The following HIP1R variants were observed in gnomAD, a reference collection of about 807,000 sequenced individuals.
HIP1R encodes huntingtin-interacting protein 1-related protein.
HIP1R carries 135 observed loss-of-function variants against 144.2 expected under a neutral mutation model. The ratio of observed to expected loss-of-function variants is 0.94; its 90% CI spans 0.81 to 1.08. The LOEUF is 1.08. HIP1R is among the 50% of genes least tolerant of loss of function. HIP1R has a pLI of 0.00. For synonymous variants in HIP1R, 698 were observed against 612.8 expected (o/e 1.14, Z -2.05); for missense variants, 1,462 against 1,432.8 (o/e 1.02, Z -0.33).
chr12:122,854,162 C>T lies in HIP1R; in HGVS notation c.697C>T (p.Leu233Phe). ...CCACCTCTACCACTACACGGTCAAGCTCCTGTTCAAGCTACACTCTTGTGA... is the reference window on the plus strand; with the variant it reads ...CCACCTCTACCACTACACGGTCAAGTTCCTGTTCAAGCTACACTCTTGTGA... ...CSHLYHYTVKLLFKLHSCLPA... is the reference protein window; with the variant it reads ...CSHLYHYTVKFLFKLHSCLPA... Residue 233 changes from leucine to phenylalanine, a missense_variant, in exon 8 of 32, where the codon CTC (leucine) becomes TTC (phenylalanine). By Grantham distance (22) the Leu-to-Phe change is conservative (BLOSUM62 0). Around this residue, in one of 2 missense-constraint regions of HIP1R, gnomAD observed 350 missense variants for 421.1 expected, o/e 0.83. Coordinates refer to ENST00000253083, the MANE Select transcript of HIP1R (RefSeq NM_003959.3). 1 of 1,613,832 alleles carries T rather than the reference C, an allele frequency of 6.2e-7. No homozygotes were observed. The highest frequency in any genetic ancestry group is 8.5e-7 in the Non-Finnish European group (1 of 1,179,912).
At chr12:122,861,213 C>CT (rs397828310) in intron 30 of HIP1R, 21 bp downstream of exon 30, 12 of 1,612,830 alleles carry the variant, frequency 7.4e-6, no homozygotes, top group East Asian at 4.5e-5. Flanking sequence ...ATGGCTGCCC[C>CT]GTGACCTCTG....
At chr12:122,853,930 G>A in intron 7 of HIP1R, 113 bp from the exon 8 acceptor site, 5 of 1,243,416 alleles carry the variant, frequency 4.0e-6, no homozygotes, top group Non-Finnish European at 5.6e-6. Context: ...GGAGGCAGGG[G>A]GCACACTGGT....
In HIP1R at chr12:122,860,205, G is replaced by GGCAGGGTGAGGGGCCGGCGGCA; in HGVS notation, c.2559+2_2559+23dup. 1 of 1,560,002 alleles carries GGCAGGGTGAGGGGCCGGCGGCA rather than the reference G, an allele frequency of 6.4e-7. No homozygotes were observed. The stretch of plus-strand genomic sequence containing the variant: ...CCTGCAGAAGGAGATCGTGGAGAGC[G>GGCAGGGTGAGGGGCCGGCGGCA]GCAGGGTGAGGGGCCGGCGGCAGCA... On this transcript the variant is annotated frameshift_variant, in exon 26 of 32. Coordinates refer to ENST00000253083, the MANE Select transcript of HIP1R (RefSeq NM_003959.3). LOFTEE classifies it high-confidence loss of function.
Position 122,858,436 on chromosome 12 carries a change from G to GT in HIP1R, c.2050+2dup. On this transcript the variant is annotated splice_donor_variant, in intron 20 of 31. Transcript: ENST00000253083. LOFTEE classifies it high-confidence loss of function. ...GCCCAGTACCTGACCTCCTTGGCAG[G>GT]TGAGTGTAGCCAGGGCAGGGCGGAG... The GT allele has an allele frequency of 1.2e-6, 2 of 1,603,454 alleles. No homozygotes were observed. Among genetic ancestry groups the GT allele is most frequent in the Non-Finnish European group, 1.7e-6 (2 of 1,173,944 alleles).
At position 122,849,930 on chromosome 12, in the gene HIP1R, T is replaced by C; in HGVS notation, c.413T>C (p.Leu138Pro). ...QLVNVYTKLL[L>P]TKISFHLKHP... ...GTGAATGTCTACACCAAGCTGCTGC[T>C]GACCAAGATCTCCTTCCACCTCAAG... Residue 138 changes from leucine to proline, a missense_variant, in exon 5 of 32, where the codon CTG becomes CCG. Physicochemically the swap from Leu to Pro is moderately conservative, Grantham distance 98 (BLOSUM62 -3). Transcript: ENST00000253083. 6.2e-7 allele frequency: 1 copy of C among 1,613,636 alleles called. No individual in the cohort carries two copies. Among genetic ancestry groups the C allele is most frequent in the South Asian group, 1.1e-5 (1 of 91,088 alleles).
Position 122,856,044 on chromosome 12 carries a change from A to T in HIP1R, c.1193A>T (p.Gln398Leu), listed in dbSNP as rs1295989216. 2 of 1,594,714 alleles carry T rather than the reference A, an allele frequency of 1.3e-6. No individual in the cohort carries two copies. The highest frequency in any genetic ancestry group is 1.8e-5 in the Admixed American group (1 of 56,660). The change falls in exon 14 of 32, where the codon CAG becomes CTG. Residue 398 changes from glutamine (Q) to leucine (L), a missense_variant. By Grantham distance (113) the Gln-to-Leu change is moderately radical (BLOSUM62 -2). This residue lies in a region of HIP1R where 1,112 missense variants were observed against 1,011.7 expected (regional missense o/e 1.10). Transcript: ENST00000253083. Reference protein sequence around the residue: ...VNALEGELEEQRKQKQKALVD... With the variant: ...VNALEGELEELRKQKQKALVD... ...GCACTGGAGGGTGAGCTGGAGGAGC[A>T]GCGGAAGCAGAAGCAGAAGGCCCTG...
At chr12:122,844,638 C>G (rs960766375) in intron 1 of HIP1R, among the ~76,000 whole-genome samples, 3 of 152,258 alleles carry the variant, frequency 2.0e-5, no homozygotes, top group African/African-American at 7.2e-5. Context: ...TGTGAGGCCC[C>G]TGCCTCTTGG....
intron 8 of HIP1R, among the ~76,000 whole-genome samples, chr12:122,854,560 C>T (rs2033503704): frequency 6.6e-6 from 1 of 152,198 alleles, no homozygotes; most frequent in South Asian, 2.1e-4. Flanking sequence ...GAAAGGGTCT[C>T]GTCCCTCGAC....
intron 6 of HIP1R, 78 bp from the exon 7 acceptor site, chr12:122,851,158 C>A: frequency 7.7e-7 from 1 of 1,295,856 alleles, no homozygotes; most frequent in Non-Finnish European, 1.0e-6. Context: ...CCCCCGTCCC[C>A]ACTGGAGGGG....
chr12:122,859,026 G>GCA (rs1555263642), intron 21 of HIP1R, 35 bp from the exon 22 acceptor site: 33 of 1,460,154 alleles, frequency 2.3e-5, no homozygotes, highest in Non-Finnish European at 2.7e-5. Context: ...CCTGTCGGTG[G>GCA]GGGGGGCTCC....
intron 1 of HIP1R, among the ~76,000 whole-genome samples, chr12:122,842,391 A>G (rs769994414): frequency 6.6e-6 from 1 of 152,250 alleles, no homozygotes; most frequent in African/African-American, 2.4e-5. Context: ...TAGCTGGAGA[A>G]GGAGAGACTC....
At position 122,857,115 on chromosome 12, in the gene HIP1R, C is replaced by T. The variant is rs368370835; in HGVS notation, c.1715C>T (p.Ala572Val). ...CGGCAGCGGGAGGCAGACCTGCTGG[C>T]GGCGCAGAGCCTGGTGCGCGAGACA... is the stretch of plus-strand genomic sequence containing the variant. Reference protein sequence around the residue: ...AVRQREADLLAAQSLVRETEA... With the variant: ...AVRQREADLLVAQSLVRETEA... Residue 572 changes from alanine to valine, a missense_variant, in exon 18 of 32, where the codon GCG (alanine) becomes GTG (valine). By Grantham distance (64) the Ala-to-Val change is moderately conservative (BLOSUM62 0). Around this residue, in one of 2 missense-constraint regions of HIP1R, gnomAD observed 1,112 missense variants for 1,011.7 expected, o/e 1.10. Coordinates refer to ENST00000253083, the MANE Select transcript of HIP1R (RefSeq NM_003959.3). 42 of 1,550,690 alleles carry T rather than the reference C, an allele frequency of 2.7e-5. No homozygotes were observed. In the African/African-American group the frequency reaches 3.4e-4, roughly 13 times the overall value.
rs2033586165 is a variant in HIP1R at position 122,856,527 on chromosome 12, G to A, written c.1497G>A (p.Val499=). 6.3e-7 allele frequency: 1 copy of A among 1,599,532 alleles called. No homozygotes were observed. The highest frequency in any genetic ancestry group is 8.5e-7 in the Non-Finnish European group (1 of 1,172,802). ...KEQLAFQVEQ[V]KRESELKLEE... The stretch of plus-strand genomic sequence containing the variant: ...AGCTGGCCTTCCAGGTGGAGCAGGT[G>A]AAGCGGGAGTCGGAGTTGAAGGTAT... Residue 499 remains valine (V), a synonymous_variant, in exon 16 of 32, where the codon GTG becomes GTA. Coordinates refer to ENST00000253083, the MANE Select transcript of HIP1R (RefSeq NM_003959.3).
At chr12:122,835,670 CG>C (rs2032865823) in intron 1 of HIP1R, 27 bp downstream of exon 1, 2 of 928,374 alleles carry the variant, frequency 2.2e-6, no homozygotes, top group South Asian at 4.8e-5. Context: ...CGGCGGGCGG[CG>C]GGCGGCGGCG....
Position 122,848,583 on chromosome 12 carries a change from A to G in HIP1R, c.275A>G (p.Lys92Arg). The change falls in exon 3 of 32, where the codon AAG becomes AGG. Residue 92 changes from lysine (K) to arginine (R), a missense_variant. By Grantham distance (26) the Lys-to-Arg change is conservative. This residue lies in a region of HIP1R where 350 missense variants were observed against 421.1 expected (regional missense o/e 0.83). Coordinates refer to ENST00000253083, the MANE Select transcript of HIP1R (RefSeq NM_003959.3). ...LSWKFCHVLH[K>R]VLRDGHPNVL... ...TGGAAGTTCTGCCACGTCCTCCACA[A>G]GGTCCTTCGAGACGGGCACCCCAAT... 1.9e-6 allele frequency: 3 copies of G among 1,612,770 alleles called. No individual in the cohort carries two copies. Among genetic ancestry groups the G allele is most frequent in the Non-Finnish European group, 2.5e-6 (3 of 1,179,764 alleles).
In HIP1R at chr12:122,860,184, CAGA is replaced by C. The variant is rs751385565; in HGVS notation, c.2536_2538del (p.Lys846del). The C allele has an allele frequency of 1.2e-5, 19 of 1,569,862 alleles. No homozygotes were observed. Among genetic ancestry groups the C allele is most frequent in the South Asian group, 2.3e-5 (2 of 86,672 alleles). On this transcript the variant is annotated inframe_deletion, in exon 26 of 32. Transcript: ENST00000253083. ...CCTGGTGACGACATCCACTAGCCTGCAGAAGGAGATCGTGGAGAGCGGCAGGGT... is the reference window on the plus strand; with the variant it reads ...CCTGGTGACGACATCCACTAGCCTGCAGGAGATCGTGGAGAGCGGCAGGGT...
At chr12:122,835,770 G>A in intron 1 of HIP1R, 127 bp downstream of exon 1, 1 of 492,424 alleles carries the variant, frequency 2.0e-6, no homozygotes, top group Non-Finnish European at 2.6e-6. Flanking sequence ...ACGGCGCGGG[G>A]GCAGGGCCTG....
rs528118600 is a variant in HIP1R at position 122,850,755 on chromosome 12, G to T, written c.439-80G>T. 18 of 981,034 alleles carry T rather than the reference G, an allele frequency of 1.8e-5. 2 individuals carry two copies. The highest frequency in any genetic ancestry group is 1.7e-4 in the South Asian group (12 of 68,588). The allele number at this position is 981,034 out of a possible 1,614,324, so 60.8% of individuals were successfully genotyped here. A position where few individuals can be genotyped will look rare whatever the true frequency, so the allele number is the denominator to read the frequency against. On this transcript the variant is annotated intron_variant, in intron 5 of 31. Transcript: ENST00000253083. ...GCCCTGGTTCAGTGGCCGCTGGGTG[G>T]GGGGGAGCCCTGGTTCGGTGGCCGC...
chr12:122,859,885 C>A (rs2033714332), intron 24 of HIP1R, 55 bp downstream of exon 24: 3 of 1,562,458 alleles, frequency 1.9e-6, no homozygotes, highest in Non-Finnish European at 2.6e-6. Flanking sequence ...CCCGTGGCCC[C>A]TAAGGTTCTG....
Sources: allele counts gnomAD v4.1 joint callset (sites outside exome capture counted in the v4.1 genomes callset), GRCh38; gene constraint gnomAD v4.1.1; regional missense constraint gnomAD v4.1.1; transcripts MANE v1.5; gene names NCBI Gene and HGNC (gene_info 2026-07-23, HGNC 2026-07-21).